The following C9orf72 variants were observed in gnomAD, a reference collection of about 807,000 sequenced individuals.
The protein encoded by C9orf72 is C9orf72-SMCR8 complex subunit, also known as guanine nucleotide exchange factor C9orf72.
A neutral mutation model predicts 51.6 loss-of-function variants in C9orf72; 44 were observed. The ratio of observed to expected loss-of-function variants is 0.85; its 90% confidence interval spans 0.67 to 1.10. The LOEUF (loss-of-function observed/expected upper bound fraction) is 1.10, where lower values mean the gene tolerates loss of function less well. Among genes scored for constraint, C9orf72 ranks in the 50% least tolerant of loss-of-function variants. The probability of loss-of-function intolerance (pLI) is 0.00; values close to 1 mark genes in which losing one functional copy is unlikely to be tolerated. For missense variants in C9orf72, 607 were observed against 570.6 expected (o/e 1.06, Z -0.65); for synonymous variants, 213 against 194.2 (o/e 1.10, Z -0.81).
intron 8 of C9orf72, among the ~76,000 whole-genome samples, chr9:27,551,038 G>C (rs1156343688): frequency 1.3e-5 from 2 of 151,768 alleles, no homozygotes; most frequent in South Asian, 4.2e-4. Flanking sequence ...AAAAAGTAGA[G>C]ACCCTTAGGC....
chr9:27,552,070 G>A (rs756819791), intron 8 of C9orf72, among the ~76,000 whole-genome samples: 19 of 152,118 alleles, frequency 1.2e-4, no homozygotes, highest in Non-Finnish European at 2.2e-4. Flanking sequence ...GATTTTCTAG[G>A]TACAGAATTA....
intron 3 of C9orf72, 72 bp downstream of exon 3, chr9:27,565,458 CA>C (rs1474343360): frequency 4.1e-6 from 4 of 977,314 alleles, no homozygotes; most frequent in Non-Finnish European, 6.4e-6. Context: ...AAGGCCTTGA[CA>C]AATGTAGCCA....
At chr9:27,561,203 A>G in intron 5 of C9orf72, 1 of 994,024 alleles carries the variant, frequency 1.0e-6, no homozygotes, top group South Asian at 3.6e-5. Flanking sequence ...CCACTGCTGG[A>G]TGGAAAAAGA....
chr9:27,558,013 C>T (rs1317407797), intron 7 of C9orf72, among the ~76,000 whole-genome samples: 1 of 150,392 alleles, frequency 6.6e-6, no homozygotes, highest in African/African-American at 2.4e-5. Context: ...CTGTTTTGCT[C>T]CTTGACAGTA....
At chr9:27,564,081 A>G (rs1175357982) in intron 3 of C9orf72, among the ~76,000 whole-genome samples, 1 of 151,216 alleles carries the variant, frequency 6.6e-6, no homozygotes, top group African/African-American at 2.4e-5. Context: ...TTAAGCATAC[A>G]TAGTATTTCA....
intron 1 of C9orf72, among the ~76,000 whole-genome samples, chr9:27,572,429 C>T (rs746317032): frequency 6.6e-6 from 1 of 151,788 alleles, no homozygotes; most frequent in Non-Finnish European, 1.5e-5. Flanking sequence ...TAAAAGTTTC[C>T]CAAAGTCTGA....
chr9:27,565,155 G>T (rs1183555675), intron 3 of C9orf72, among the ~76,000 whole-genome samples: 2 of 152,092 alleles, frequency 1.3e-5, no homozygotes, highest in Non-Finnish European at 2.9e-5. Context: ...AGATACCTCA[G>T]GGGTACATAT....
At chr9:27,562,356 T>A (rs758346128) in intron 4 of C9orf72, 25 bp downstream of exon 4, 1 of 1,267,522 alleles carries the variant, frequency 7.9e-7, no homozygotes, top group Non-Finnish European at 1.1e-6. Context: ...TCATAAAGTG[T>A]ATAATTGCTC....
intron 10 of C9orf72, 35 bp from the exon 11 acceptor site, chr9:27,548,457 A>AAAAAAAAAAAAAAAC: frequency 7.3e-7 from 1 of 1,361,298 alleles, no homozygotes; most frequent in Non-Finnish European, 9.8e-7. Flanking sequence ...AAAAAAAAAA[A>AAAAAAAAAAAAAAAC]AAAAGAAGCG....
Position 27,548,561 on chromosome 9 carries a change from C to A in C9orf72, c.1255G>T (p.Asp419Tyr), listed in dbSNP as rs1482971261. The stretch of plus-strand genomic sequence containing the variant: ...CCGTGTAGGAGTTTTACTCACGTAT[C>A]GTCTTCTATATATTTTATTAGTGTC... ...ALTLIKYIEDDTQKGKKPFKS... is the reference protein window; with the variant it reads ...ALTLIKYIEDYTQKGKKPFKS... Residue 419 changes from aspartate to tyrosine, a missense_variant, in exon 10 of 11, where the codon GAT becomes TAT. Coordinates refer to ENST00000380003, the MANE Select transcript of C9orf72 (RefSeq NM_018325.5). The A allele has an allele frequency of 2.5e-6, 4 of 1,571,508 alleles. No homozygotes were observed. The highest frequency in any genetic ancestry group is 3.5e-6 in the Non-Finnish European group (4 of 1,142,814).
At chr9:27,550,219 C>T (rs894154378) in intron 9 of C9orf72, among the ~76,000 whole-genome samples, 8 of 149,816 alleles carry the variant, frequency 5.3e-5, no homozygotes, top group African/African-American at 1.7e-4. Context: ...TATACTTGTA[C>T]TACATATATA....
chr9:27,556,718 C>A lies in C9orf72; in HGVS notation c.934G>T (p.Val312Phe). Residue 312 changes from valine (V) to phenylalanine (F), a missense_variant, in exon 8 of 11, where the codon GTC (valine) becomes TTC (phenylalanine). By Grantham distance (50) the Val-to-Phe change is conservative (BLOSUM62 -1). Transcript: ENST00000380003. ...PYPTTHIDVD[V>F]NTVKQMPPCH... is the part of the protein sequence containing the mutation. ...GGTGGCATCTGCTTCACAGTATTGA[C>A]ATCCACATCTATGTGTGTGGTGGGA... 6.2e-7 allele frequency: 1 copy of A among 1,613,990 alleles called. No homozygotes were observed. Among genetic ancestry groups the A allele is most frequent in the Non-Finnish European group, 8.5e-7 (1 of 1,179,880 alleles).
At chr9:27,553,341 G>A (rs967918990) in intron 8 of C9orf72, among the ~76,000 whole-genome samples, 1 of 152,194 alleles carries the variant, frequency 6.6e-6, no homozygotes, top group African/African-American at 2.4e-5. Context: ...AACCTGAACA[G>A]CAGGGTACTG....
At chr9:27,552,125 T>C (rs1434002599) in intron 8 of C9orf72, among the ~76,000 whole-genome samples, 1 of 152,178 alleles carries the variant, frequency 6.6e-6, no homozygotes, top group Non-Finnish European at 1.5e-5. Flanking sequence ...TCTTCCTATC[T>C]GAATGTCTTT....
rs747477332 is a variant in C9orf72 at position 27,556,790 on chromosome 9, T to C, written c.862A>G (p.Thr288Ala). 3.7e-6 allele frequency: 6 copies of C among 1,606,700 alleles called. No individual in the cohort carries two copies. In the South Asian group the frequency reaches 4.4e-5, roughly 12 times the overall value. ...LFVQGLLKDSTGSFVLPFRQV... is the reference protein window; with the variant it reads ...LFVQGLLKDSAGSFVLPFRQV... ...CGGAAAGGCAGCACAAAGCTTCCAG[T>C]TGAATCCTGTCAAAATAAAAGGAAA... The change falls in exon 8 of 11, where the codon ACT (threonine) becomes GCT (alanine). Residue 288 changes from threonine to alanine, a missense_variant. Thr to Ala is a moderately conservative substitution (Grantham distance 58). Coordinates refer to ENST00000380003, the MANE Select transcript of C9orf72 (RefSeq NM_018325.5).
At chr9:27,557,893 G>A (rs1819241996) in intron 7 of C9orf72, among the ~76,000 whole-genome samples, 1 of 151,772 alleles carries the variant, frequency 6.6e-6, no homozygotes, top group Non-Finnish European at 1.5e-5. Flanking sequence ...CATTAGGAAA[G>A]CTATTTCTTC....
At position 27,558,579 on chromosome 9, in the gene C9orf72, G is replaced by A; in HGVS notation, c.767C>T (p.Thr256Ile). 1 of 1,601,238 alleles carries A rather than the reference G, an allele frequency of 6.2e-7. No homozygotes were observed. Among genetic ancestry groups the A allele is most frequent in the African/African-American group, 1.3e-5 (1 of 74,344 alleles). Residue 256 changes from threonine to isoleucine, a missense_variant, in exon 7 of 11, where the codon ACT becomes ATT. By Grantham distance (89) the Thr-to-Ile change is moderately conservative (BLOSUM62 -1). Transcript: ENST00000380003. ...CCTGGAGCATTTTCTCTCTGCTGGAGTCAGAAAAAGGCATAATGTTCTGAC... is the reference window on the plus strand; with the variant it reads ...CCTGGAGCATTTTCTCTCTGCTGGAATCAGAAAAAGGCATAATGTTCTGAC... Reference protein sequence around the residue: ...KIVRTLCLFLTPAERKCSRLC... With the variant: ...KIVRTLCLFLIPAERKCSRLC...
At chr9:27,556,445 A>C (rs1487160725) in intron 8 of C9orf72, 116 bp downstream of exon 8, 2 of 664,882 alleles carry the variant, frequency 3.0e-6, no homozygotes, top group Non-Finnish European at 5.2e-6. Flanking sequence ...CTTCAAGCAT[A>C]ATTCTGCTGG....
At position 27,547,298 on chromosome 9, in the gene C9orf72, C is replaced by T. The variant is rs1820787817; in HGVS notation, c.*938G>A. On this transcript the variant is annotated 3_prime_UTR_variant, in exon 11 of 11. Transcript: ENST00000380003. Reference sequence around the variant, plus strand: ...TTATTAGTTAGTATATTCTCTAAGGCATTTTATAATCTCAGAGTTGCAATG... The same window carrying T: ...TTATTAGTTAGTATATTCTCTAAGGTATTTTATAATCTCAGAGTTGCAATG... 6.6e-6 allele frequency: 1 copy of T among 152,616 alleles called. No individual in the cohort carries two copies. Among genetic ancestry groups the T allele is most frequent in the African/African-American group, 2.4e-5 (1 of 41,460 alleles). The allele number at this position is 152,616 out of a possible 1,614,324, so 9.5% of individuals were successfully genotyped here. A position where few individuals can be genotyped will look rare whatever the true frequency, so the allele number is the denominator to read the frequency against.
Sources: gnomAD v4.1 joint callset for allele counts (sites outside exome capture counted in the v4.1 genomes callset) on GRCh38, gnomAD v4.1.1 for gene constraint, MANE v1.5 for transcripts, NCBI Gene and HGNC (gene_info 2026-07-23, HGNC 2026-07-21) for gene names.